Variants in NUDT19 observed in about 807,000 individuals in gnomAD.
NUDT19 encodes the protein acyl-coenzyme A diphosphatase NUDT19.
A neutral mutation model predicts 22.2 loss-of-function variants in NUDT19; 31 were observed. The ratio of observed to expected loss-of-function variants is 1.40; its 90% CI spans 1.05 to 1.89. NUDT19 has a LOEUF of 1.89. NUDT19 is among the 40% of genes most tolerant of loss of function. NUDT19 has a pLI of 0.00. For missense variants in NUDT19, 752 were observed against 514.2 expected (o/e 1.46, Z -4.47); for synonymous variants, 325 against 230.8 (o/e 1.41, Z -3.70).
intron 1 of NUDT19, among the ~76,000 whole-genome samples, chr19:32,699,129 G>T (rs1599798250): frequency 6.6e-6 from 1 of 152,168 alleles, no homozygotes; most frequent in African/African-American, 2.4e-5. Context: ...AGCAAAAACT[G>T]TGTCTTTCTG....
chr19:32,692,735 A>C, intron 1 of NUDT19, 61 bp downstream of exon 1: 1 of 1,307,210 alleles, frequency 7.6e-7, no homozygotes, highest in Non-Finnish European at 1.0e-6. Flanking sequence ...GACCCCTCCC[A>C]GCGGCCCAGG....
intron 1 of NUDT19, among the ~76,000 whole-genome samples, chr19:32,694,427 CT>C (rs1443339561): frequency 6.6e-6 from 1 of 152,156 alleles, no homozygotes; most frequent in Non-Finnish European, 1.5e-5. Context: ...AGTTACTATC[CT>C]TACTGAATAG....
chr19:32,704,071 C>T (rs760302309), intron 1 of NUDT19, among the ~76,000 whole-genome samples: 7 of 152,158 alleles, frequency 4.6e-5, no homozygotes, highest in Non-Finnish European at 8.8e-5. Context: ...AGTATAGATC[C>T]TGTGACAATG....
intron 1 of NUDT19, among the ~76,000 whole-genome samples, chr19:32,695,232 T>G (rs2145356268): frequency 6.6e-6 from 1 of 152,276 alleles, no homozygotes; most frequent in African/African-American, 2.4e-5. Context: ...CAGGCTGGAG[T>G]GCAGTGGCAT....
chr19:32,711,014 G>T (rs1389657136), intron 2 of NUDT19, among the ~76,000 whole-genome samples: 1 of 152,066 alleles, frequency 6.6e-6, no homozygotes, highest in African/African-American at 2.4e-5. Flanking sequence ...AAAAGTATAT[G>T]AATATCAAGG....
In NUDT19 at chr19:32,692,490, A is replaced by T; in HGVS notation, c.530A>T (p.His177Leu). The T allele has an allele frequency of 6.4e-7, 1 of 1,555,014 alleles. No homozygotes were observed. The change falls in exon 1 of 3, where the codon CAC becomes CTC. Residue 177 changes from histidine to leucine, a missense_variant. Coordinates refer to ENST00000397061, the MANE Select transcript of NUDT19 (RefSeq NM_001105570.2). Reference protein sequence around the residue: ...WRDRVRQDPRHFLRLCAHLDC... With the variant: ...WRDRVRQDPRLFLRLCAHLDC... ...GACCGCGTGCGCCAGGACCCGCGCC[A>T]CTTCCTGCGGCTGTGCGCCCACCTC...
rs540402948 is a variant in NUDT19 at position 32,691,914 on chromosome 19, C to T, written c.-47C>T. ...GTCCCTGCAGGGCCGGGCCACCTGC[C>T]GTGGAGCTCAGGCCGCGCCAGAATC... On this transcript the variant is annotated 5_prime_UTR_variant, in exon 1 of 3. Coordinates refer to ENST00000397061, the MANE Select transcript of NUDT19 (RefSeq NM_001105570.2). 1.5e-4 allele frequency: 171 copies of T among 1,116,474 alleles called. No homozygotes were observed. The African/African-American group carries it at 2.3e-3, about 15-fold the overall frequency. The allele number at this position is 1,116,474 out of a possible 1,614,324, so 69.2% of individuals were successfully genotyped here. A position where few individuals can be genotyped will look rare whatever the true frequency, so the allele number is the denominator to read the frequency against.
At chr19:32,697,954 C>T (rs191335135) in intron 1 of NUDT19, among the ~76,000 whole-genome samples, 10 of 152,192 alleles carry the variant, frequency 6.6e-5, no homozygotes, top group Admixed American at 1.3e-4. Flanking sequence ...ACCGATAGCC[C>T]GGGAAGGGGG....
chr19:32,708,145 C>CAA (rs1223120626), intron 1 of NUDT19, among the ~76,000 whole-genome samples: 15 of 93,008 alleles, frequency 1.6e-4, no homozygotes, highest in African/African-American at 5.4e-4. Context: ...AGTACTCGGT[C>CAA]AAAAAAAAAA....
intron 1 of NUDT19, among the ~76,000 whole-genome samples, chr19:32,708,647 G>C (rs1375231246): frequency 6.6e-6 from 1 of 152,144 alleles, no homozygotes; most frequent in Non-Finnish European, 1.5e-5. Flanking sequence ...GAAAGCTGCT[G>C]TTGCTCCTGA....
chr19:32,709,261 T>C lies in NUDT19; in HGVS notation c.791T>C (p.Val264Ala), dbSNP rs761530179. The change falls in exon 2 of 3, where the codon GTG becomes GCG. Residue 264 changes from valine to alanine, a missense_variant. Physicochemically the swap from Val to Ala is moderately conservative, Grantham distance 64. Coordinates refer to ENST00000397061, the MANE Select transcript of NUDT19 (RefSeq NM_001105570.2). ...TTGCCACCCCCACAGTTCTACGAAG[T>C]GAGAAGACTTGCAAACTTTGCCTCT... ...IWLPPPQFYEVRRLANFASLS... is the reference protein window; with the variant it reads ...IWLPPPQFYEARRLANFASLS... The C allele has an allele frequency of 4.3e-6, 7 of 1,614,076 alleles. No homozygotes were observed. Among genetic ancestry groups the C allele is most frequent in the Non-Finnish European group, 5.1e-6 (6 of 1,180,024 alleles).
intron 1 of NUDT19, among the ~76,000 whole-genome samples, chr19:32,703,417 C>T (rs920019539): frequency 1.3e-5 from 2 of 151,748 alleles, no homozygotes; most frequent in African/African-American, 4.8e-5. Flanking sequence ...GGTGCCATCT[C>T]AGCTCACCAC....
intron 1 of NUDT19, among the ~76,000 whole-genome samples, chr19:32,707,358 G>T (rs960067707): frequency 1.3e-5 from 2 of 152,156 alleles, no homozygotes; most frequent in Non-Finnish European, 2.9e-5. Flanking sequence ...CTCATAGATT[G>T]CTGGACACCA....
chr19:32,704,521 AAG>A, intron 1 of NUDT19, among the ~76,000 whole-genome samples: 1 of 152,146 alleles, frequency 6.6e-6, no homozygotes, highest in African/African-American at 2.4e-5. Context: ...TGGCCTCCCA[AAG>A]TACTGGGATT....
At position 32,692,410 on chromosome 19, in the gene NUDT19, A is replaced by G. The variant is rs8109823; in HGVS notation, c.450A>G (p.Pro150=). Residue 150 remains proline, a synonymous_variant, in exon 1 of 3, where the codon CCA becomes CCG. Coordinates refer to ENST00000397061, the MANE Select transcript of NUDT19 (RefSeq NM_001105570.2). ...GGCCCAGGACTTCCCCACCAGGCCC[A>G]GCACCCGGGCCTGGCCTCGCCCTGG... ...LLRPRTSPPG[P]APGPGLALEP... 0.16 allele frequency: 256,274 copies of G among 1,564,412 alleles called. 21,535 individuals are homozygous for G. The highest frequency in any genetic ancestry group is 0.22 in the African/African-American group (15,945 of 72,048).
chr19:32,712,147 T>C lies in NUDT19; in HGVS notation c.*190T>C. 1.9e-6 allele frequency: 1 copy of C among 517,834 alleles called. No individual in the cohort carries two copies. The allele number at this position is 517,834 out of a possible 1,614,324, so 32.1% of individuals were successfully genotyped here. ...TGGAGTGCAGTGGCATGATATAGGC[T>C]CACTGGAAGCTCTGCCTCAGGGGTT... On this transcript the variant is annotated 3_prime_UTR_variant, in exon 3 of 3. Transcript: ENST00000397061.
chr19:32,706,757 G>A (rs1015813009), intron 1 of NUDT19, among the ~76,000 whole-genome samples: 1 of 152,186 alleles, frequency 6.6e-6, no homozygotes, highest in African/African-American at 2.4e-5. Context: ...TATCATAGGT[G>A]TGTATGTGTA....
rs60766132 is a variant in NUDT19 at position 32,703,648 on chromosome 19, C to CTTTTTTTTTT, written c.715-5514_715-5505dup. ...ACAGGTGTGGGCCACTGTGCCCAGC[C>CTTTTTTTTTT]TTTTTTTTTTTTTTTTTTTTTTTTT... On this transcript the variant is annotated intron_variant, in intron 1 of 2. Coordinates refer to ENST00000397061, the MANE Select transcript of NUDT19 (RefSeq NM_001105570.2). 2.0e-4 allele frequency among the ~76,000 whole-genome samples: 14 copies of CTTTTTTTTTT among 68,344 alleles called. 2 individuals are homozygous for CTTTTTTTTTT. Among genetic ancestry groups the CTTTTTTTTTT allele is most frequent in the Admixed American group, 8.9e-4 (4 of 4,518 alleles). 44.8% of individuals were successfully genotyped at this position (68,344 alleles called of 152,430 possible). A position where few individuals can be genotyped will look rare whatever the true frequency, so the allele number is the denominator to read the frequency against.
In NUDT19 at chr19:32,691,948, G is replaced by GA; in HGVS notation, c.-11dup. On this transcript the variant is annotated 5_prime_UTR_variant, in exon 1 of 3. Transcript: ENST00000397061. ...CAGGCCGCGCCAGAATCGGATCCGG[G>GA]AAGCTGCGCGCCATGAGCAGCTCCC... 1 of 1,217,418 alleles carries GA rather than the reference G, an allele frequency of 8.2e-7. No individual in the cohort carries two copies. Among genetic ancestry groups the GA allele is most frequent in the African/African-American group, 1.6e-5 (1 of 63,706 alleles). 75.4% of individuals were successfully genotyped at this position (1,217,418 alleles called of 1,614,324 possible).
Sources: allele counts gnomAD v4.1 joint callset (sites outside exome capture counted in the v4.1 genomes callset), GRCh38; gene constraint gnomAD v4.1.1; transcripts MANE v1.5; gene names NCBI Gene and HGNC (gene_info 2026-07-23, HGNC 2026-07-21).